The following MGLL variants were observed in gnomAD, a reference collection of about 807,000 sequenced individuals.
The protein encoded by MGLL is monoglyceride lipase.
Under a neutral mutation model 29.1 loss-of-function variants are expected in MGLL, and 7 were observed. The ratio of observed to expected loss-of-function variants is 0.24; its 90% CI spans 0.14 to 0.45. The LOEUF (loss-of-function observed/expected upper bound fraction) is 0.45, where lower values mean the gene tolerates loss of function less well. Among genes scored for constraint, MGLL ranks in the 20% least tolerant of loss-of-function variants. The pLI is 0.99. For synonymous variants in MGLL, 148 were observed against 168.3 expected, an observed-to-expected ratio of 0.88 and a Z score of 0.93; for missense variants, 356 against 413.6, an observed-to-expected ratio of 0.86 and a Z score of 1.21.
intron 5 of MGLL, chr3:127,710,878 G>A: frequency 3.4e-6 from 2 of 589,226 alleles, no homozygotes; most frequent in South Asian, 3.7e-5. Context: ...CCACCTTGGG[G>A]GAGCTGGCCA....
Position 127,722,476 on chromosome 3 carries a change from T to C in MGLL, c.353A>G (p.Gln118Arg). 1.2e-6 allele frequency: 2 copies of C among 1,614,246 alleles called. No homozygotes were observed. The highest frequency in any genetic ancestry group is 2.2e-5 in the East Asian group (1 of 44,882). ...RDVLQHVDSM[Q>R]KDYPGLPVFL... ...GACAGGAAGCCCAGGGTAGTCTTTC[T>C]GCATGGAATCCACATGCTGCAACAC... Residue 118 changes from glutamine (Q) to arginine (R), a missense_variant, in exon 4 of 8, where the codon CAG (glutamine) becomes CGG (arginine). Transcript: ENST00000265052.
At chr3:127,819,867 C>A (rs553573773) in intron 2 of MGLL, among the ~76,000 whole-genome samples, 4 of 152,076 alleles carry the variant, frequency 2.6e-5, no homozygotes, top group Non-Finnish European at 4.4e-5. Flanking sequence ...AAGACTGCCC[C>A]AAGATCCAGC....
At chr3:127,694,184 C>G (rs1370602623) in intron 7 of MGLL, among the ~76,000 whole-genome samples, 2 of 148,620 alleles carry the variant, frequency 1.3e-5, no homozygotes, top group South Asian at 2.1e-4. Flanking sequence ...GCAGCAGAAT[C>G]ACTTGAACCT....
rs11538699 is a variant in MGLL at position 127,692,177 on chromosome 3, G to C, written c.*21C>G. 6.3e-7 allele frequency: 1 copy of C among 1,588,744 alleles called. No homozygotes were observed. Among genetic ancestry groups the C allele is most frequent in the African/African-American group, 1.4e-5 (1 of 70,624 alleles). ...CCTGCCTGCATCCCCCAGACCATGAGCCGGGCACCGGCCAATGCATTCAGG... is the reference window on the plus strand; with the variant it reads ...CCTGCCTGCATCCCCCAGACCATGACCCGGGCACCGGCCAATGCATTCAGG... On this transcript the variant is annotated 3_prime_UTR_variant, in exon 8 of 8. Coordinates refer to ENST00000265052, the MANE Select transcript of MGLL (RefSeq NM_007283.7).
At chr3:127,790,963 C>T (rs555117781) in intron 2 of MGLL, among the ~76,000 whole-genome samples, 5 of 152,282 alleles carry the variant, frequency 3.3e-5, no homozygotes, top group African/African-American at 4.8e-5. Flanking sequence ...GGCCCCAGTG[C>T]GGTGAGGCCC....
intron 3 of MGLL, among the ~76,000 whole-genome samples, chr3:127,737,630 C>CTTTTTTTTT (rs774965066): frequency 0.019 from 1,297 of 68,568 alleles, 178 homozygotes; most frequent in African/African-American, 0.039. Context: ...TCAACTGCTT[C>CTTTTTTTTT]TTTTTTTTTT....
At chr3:127,720,326 G>A (rs778846196) in intron 5 of MGLL, among the ~76,000 whole-genome samples, 10 of 152,158 alleles carry the variant, frequency 6.6e-5, no homozygotes, top group Admixed American at 2.0e-4. Flanking sequence ...CCCTCACTGC[G>A]GCTATGTATC....
At chr3:127,708,954 G>C (rs115207612) in intron 6 of MGLL, among the ~76,000 whole-genome samples, 2,939 of 152,312 alleles carry the variant, frequency 0.019, 102 homozygotes, top group African/African-American at 0.066. Flanking sequence ...ATGGACTTTT[G>C]AATAAAATGG....
chr3:127,784,595 G>A (rs867580981), intron 2 of MGLL, among the ~76,000 whole-genome samples: 54 of 152,230 alleles, frequency 3.5e-4, no homozygotes, highest in Middle Eastern at 3.4e-3. Flanking sequence ...GGAAGAGCCC[G>A]TTGGCAGCAC....
In MGLL at chr3:127,722,450, A is replaced by T; in HGVS notation, c.379T>A (p.Phe127Ile). The T allele has an allele frequency of 6.2e-7, 1 of 1,614,232 alleles. No homozygotes were observed. Among genetic ancestry groups the T allele is most frequent in the South Asian group, 1.1e-5 (1 of 91,082 alleles). The change falls in exon 4 of 8, where the codon TTC becomes ATC. Residue 127 changes from phenylalanine (F) to isoleucine (I), a missense_variant. Transcript: ENST00000265052. ...CTTACCATGGAGTGGCCCAGAAGGA[A>T]GACAGGAAGCCCAGGGTAGTCTTTC... ...MQKDYPGLPV[F>I]LLGHSMGGAI...
chr3:127,755,377 G>A (rs571457984), intron 3 of MGLL, among the ~76,000 whole-genome samples: 8 of 152,320 alleles, frequency 5.3e-5, no homozygotes, highest in East Asian at 1.9e-4. Flanking sequence ...CACCCAGCCT[G>A]CCTTCTGGGG....
chr3:127,700,799 T>C (rs971564726), intron 6 of MGLL, among the ~76,000 whole-genome samples: 1 of 152,228 alleles, frequency 6.6e-6, no homozygotes, highest in African/African-American at 2.4e-5. Flanking sequence ...ATTCAGTGAA[T>C]GGCCTTTCTG....
At chr3:127,775,151 G>A (rs1471870063) in intron 3 of MGLL, among the ~76,000 whole-genome samples, 2 of 152,080 alleles carry the variant, frequency 1.3e-5, no homozygotes, top group Non-Finnish European at 2.9e-5. Flanking sequence ...GAGACTATGG[G>A]GGTCTCAGGG....
At chr3:127,763,162 A>G (rs76628103) in intron 3 of MGLL, among the ~76,000 whole-genome samples, 21,653 of 152,098 alleles carry the variant, frequency 0.14, 1,629 homozygotes, top group East Asian at 0.27. Flanking sequence ...GGGTGCAGCG[A>G]TGTGGATTCA....
intron 2 of MGLL, among the ~76,000 whole-genome samples, chr3:127,810,337 A>G (rs1340940569): frequency 2.0e-5 from 3 of 152,202 alleles, no homozygotes; most frequent in South Asian, 4.1e-4. Flanking sequence ...AGCCATTCCA[A>G]TGCAGGCTCC....
intron 2 of MGLL, among the ~76,000 whole-genome samples, chr3:127,782,463 G>A (rs1186065929): frequency 6.6e-6 from 1 of 152,176 alleles, no homozygotes; most frequent in African/African-American, 2.4e-5. Flanking sequence ...TTCTTCGCCT[G>A]TAACATGGTA....
At chr3:127,724,874 C>CA (rs2076001634) in intron 3 of MGLL, among the ~76,000 whole-genome samples, 1 of 150,044 alleles carries the variant, frequency 6.7e-6, no homozygotes, top group African/African-American at 2.5e-5. Flanking sequence ...TAGTATCACT[C>CA]ATTTTTTTGA....
chr3:127,805,094 A>T (rs142580688), intron 2 of MGLL, among the ~76,000 whole-genome samples: 1 of 152,370 alleles, frequency 6.6e-6, no homozygotes, highest in Non-Finnish European at 1.5e-5. Flanking sequence ...GGCAGAGATA[A>T]CAGGGAGCTG....
At chr3:127,732,103 C>A (rs933573334) in intron 3 of MGLL, among the ~76,000 whole-genome samples, 1 of 152,168 alleles carries the variant, frequency 6.6e-6, no homozygotes, top group African/African-American at 2.4e-5. Context: ...CCAGCCTCCC[C>A]CTTCCCTTTT....
Sources: allele counts gnomAD v4.1 joint callset (sites outside exome capture counted in the v4.1 genomes callset), GRCh38; gene constraint gnomAD v4.1.1; transcripts MANE v1.5; gene names NCBI Gene and HGNC (gene_info 2026-07-23, HGNC 2026-07-21).